Variants in LY96 observed in about 807,000 individuals in gnomAD.
The protein encoded by LY96 is myeloid differentiation protein-2.
LY96 carries 18 observed loss-of-function variants against 18.9 expected under a neutral mutation model. That is an observed-to-expected ratio of 0.95 (90% CI 0.66 to 1.41). The LOEUF (loss-of-function observed/expected upper bound fraction) is 1.41. LY96 is among the 40% of genes most tolerant of loss of function. The pLI, the probability that LY96 is intolerant of heterozygous loss-of-function variation, is 0.00. For missense variants in LY96, 175 were observed against 182.4 expected (o/e 0.96, Z 0.23); for synonymous variants, 66 against 62.6 (o/e 1.06, Z -0.26).
At chr8:74,003,754 A>G (rs1816349950) in intron 1 of LY96, among the ~76,000 whole-genome samples, 1 of 152,210 alleles carries the variant, frequency 6.6e-6, no homozygotes, top group Non-Finnish European at 1.5e-5. Flanking sequence ...GTGTTTATCA[A>G]GACTTTTCCT....
intron 1 of LY96, among the ~76,000 whole-genome samples, chr8:74,000,073 A>C (rs1342576504): frequency 2.0e-5 from 3 of 152,194 alleles, no homozygotes; most frequent in African/African-American, 7.2e-5. Flanking sequence ...GGTTTTTCAC[A>C]TATGACCTTG....
rs144988354 is a variant in LY96, at chr8:73,993,793, G to A, written c.112+2239G>A. On this transcript the variant is annotated intron_variant, in intron 1 of 4. Transcript: ENST00000284818. ...GGAGTCTTGCTATATTGCCCAGGCT[G>A]GTCTGGAACTCCTGGGCTCAAGTGA... is the stretch of plus-strand genomic sequence containing the variant. Among the ~76,000 whole-genome samples the A allele has an allele frequency of 8.3e-3, 1,203 of 144,998 alleles. 19 individuals carry two copies. Among genetic ancestry groups the A allele is most frequent in the African/African-American group, 0.03 (1,154 of 38,822 alleles).
the LY96 span, among the ~76,000 whole-genome samples, chr8:74,050,171 C>T: frequency 6.6e-6 from 1 of 151,902 alleles, no homozygotes; most frequent in Admixed American, 6.6e-5. Context: ...GGTGAAACCC[C>T]ATCTCTACTA....
At chr8:74,090,233 T>G in the LY96 span, among the ~76,000 whole-genome samples, 1 of 152,100 alleles carries the variant, frequency 6.6e-6, no homozygotes, top group African/African-American at 2.4e-5. Context: ...TGAAAAGTGG[T>G]CAGATTCTAG....
At chr8:74,092,628 C>T in the LY96 span, among the ~76,000 whole-genome samples, 3 of 152,180 alleles carry the variant, frequency 2.0e-5, no homozygotes, top group Non-Finnish European at 4.4e-5. Flanking sequence ...TCCACTCCTC[C>T]TAGGCAACCC....
At chr8:74,083,464 T>C in the LY96 span, among the ~76,000 whole-genome samples, 1 of 152,210 alleles carries the variant, frequency 6.6e-6, no homozygotes, top group African/African-American at 2.4e-5. Flanking sequence ...TCCACCTGCC[T>C]TGGCCTCCCA....
At chr8:74,023,370 C>CA (rs1816808224) in intron 3 of LY96, among the ~76,000 whole-genome samples, 1 of 152,210 alleles carries the variant, frequency 6.6e-6, no homozygotes, top group Non-Finnish European at 1.5e-5. Flanking sequence ...TCCCCTGCCC[C>CA]ACCCCGAAAC....
the LY96 span, among the ~76,000 whole-genome samples, chr8:74,058,280 G>T: frequency 6.6e-6 from 1 of 151,906 alleles, no homozygotes; most frequent in African/African-American, 2.4e-5. Flanking sequence ...TTTTCTTCAT[G>T]ATAGTTTTAA....
chr8:74,053,399 G>A, the LY96 span, among the ~76,000 whole-genome samples: 1 of 152,074 alleles, frequency 6.6e-6, no homozygotes, highest in South Asian at 2.1e-4. Flanking sequence ...TCATTGCATT[G>A]AAGCCCTGCC....
chr8:74,022,427 A>T (rs910434379), intron 3 of LY96, among the ~76,000 whole-genome samples: 1 of 151,538 alleles, frequency 6.6e-6, no homozygotes, highest in Non-Finnish European at 1.5e-5. Context: ...AAAACCAAAA[A>T]AAAAGATAGC....
chr8:74,070,184 C>T, the LY96 span, among the ~76,000 whole-genome samples: 1 of 151,770 alleles, frequency 6.6e-6, no homozygotes, highest in Admixed American at 6.6e-5. Context: ...CTCCGCCTCC[C>T]AGGTTCAGGC....
the LY96 span, among the ~76,000 whole-genome samples, chr8:74,070,285 G>T: frequency 6.6e-6 from 1 of 152,030 alleles, no homozygotes; most frequent in East Asian, 1.9e-4. Context: ...GAGAGATGGG[G>T]TTTCACCACA....
chr8:74,089,370 G>C, the LY96 span, among the ~76,000 whole-genome samples: 1 of 152,080 alleles, frequency 6.6e-6, no homozygotes, highest in Non-Finnish European at 1.5e-5. Context: ...ATTTCAATTT[G>C]GTCACCGAGA....
chr8:74,018,063 A>C (rs943312237), intron 3 of LY96, among the ~76,000 whole-genome samples: 8 of 152,266 alleles, frequency 5.3e-5, no homozygotes, highest in Non-Finnish European at 1.0e-4. Context: ...ATTAACCTTA[A>C]ATATAAATGG....
At chr8:74,017,893 T>C (rs1449035324) in intron 3 of LY96, among the ~76,000 whole-genome samples, 1 of 152,176 alleles carries the variant, frequency 6.6e-6, no homozygotes, top group African/African-American at 2.4e-5. Context: ...CAAGAGCTCC[T>C]GAAGGAAGCA....
chr8:74,044,152 G>A, the LY96 span, among the ~76,000 whole-genome samples: 1 of 150,414 alleles, frequency 6.6e-6, no homozygotes, highest in Non-Finnish European at 1.5e-5. Context: ...GTGGAAACAT[G>A]TATGTTATTT....
At chr8:74,093,804 C>A in the LY96 span, among the ~76,000 whole-genome samples, 17 of 152,164 alleles carry the variant, frequency 1.1e-4, no homozygotes, top group African/African-American at 4.1e-4. Context: ...GTTGCTTATA[C>A]AACTCAACAT....
At chr8:74,077,677 T>A in the LY96 span, among the ~76,000 whole-genome samples, 1 of 151,778 alleles carries the variant, frequency 6.6e-6, no homozygotes, top group Admixed American at 6.6e-5. Flanking sequence ...TATAGAAAAA[T>A]ACGTGAAATA....
the LY96 span, among the ~76,000 whole-genome samples, chr8:74,077,068 C>A: frequency 6.6e-6 from 1 of 152,196 alleles, no homozygotes; most frequent in Admixed American, 6.5e-5. Flanking sequence ...ATAAAGGACA[C>A]ACCTCTAGAA....
Sources: allele counts gnomAD v4.1 joint callset (sites outside exome capture counted in the v4.1 genomes callset), GRCh38; gene constraint gnomAD v4.1.1; transcripts MANE v1.5; gene names NCBI Gene and HGNC (gene_info 2026-07-23, HGNC 2026-07-21).